GRIN2A: variants seen among roughly 807,000 people sequenced by gnomAD.
The protein encoded by GRIN2A is glutamate ionotropic receptor NMDA type subunit 2A, also known as glutamate receptor ionotropic, NMDA 2A.
Under a neutral mutation model 113.4 loss-of-function variants are expected in GRIN2A, and 22 were observed. That is an observed-to-expected ratio of 0.19 (90% CI 0.14 to 0.28). GRIN2A has a LOEUF of 0.28. GRIN2A is among the 10% of genes least tolerant of loss of function. GRIN2A has a pLI of 1.00. For missense variants in GRIN2A, 1,502 were observed against 1,887.0 expected, an observed-to-expected ratio of 0.80 and a Z score of 3.78; for synonymous variants, 827 against 738.4, an observed-to-expected ratio of 1.12 and a Z score of -1.94.
At chr16:10,127,623 T>C (rs560837734) in intron 2 of GRIN2A, among the ~76,000 whole-genome samples, 12 of 152,318 alleles carry the variant, frequency 7.9e-5, no homozygotes, top group South Asian at 4.2e-4. Context: ...TTTTATAGCA[T>C]GAACTATGTC....
chr16:10,037,859 T>A (rs1451858343), intron 2 of GRIN2A, among the ~76,000 whole-genome samples: 2 of 152,146 alleles, frequency 1.3e-5, no homozygotes, highest in Non-Finnish European at 2.9e-5. Context: ...ATTCAAGCAA[T>A]CCTCTTGTCT....
intron 2 of GRIN2A, among the ~76,000 whole-genome samples, chr16:10,122,387 G>A (rs887854035): frequency 5.5e-4 from 83 of 152,224 alleles, no homozygotes; most frequent in African/African-American, 1.8e-3. Flanking sequence ...CTACAAAAGC[G>A]GGGAGGTAGG....
intron 4 of GRIN2A, among the ~76,000 whole-genome samples, chr16:9,885,549 C>A (rs2043571280): frequency 6.6e-6 from 1 of 152,194 alleles, no homozygotes; most frequent in Non-Finnish European, 1.5e-5. Flanking sequence ...AAAGCAAGTG[C>A]CCCTCTAAGG....
intron 3 of GRIN2A, among the ~76,000 whole-genome samples, chr16:9,935,645 A>G (rs1252114715): frequency 2.0e-5 from 3 of 151,978 alleles, no homozygotes. Context: ...AGAGTGACAT[A>G]GTACCCTGCT....
intron 2 of GRIN2A, among the ~76,000 whole-genome samples, chr16:10,067,848 G>T (rs560319034): frequency 6.6e-6 from 1 of 152,100 alleles, no homozygotes; most frequent in African/African-American, 2.4e-5. Flanking sequence ...CCTGCAATGC[G>T]TATTATATCC....
intron 2 of GRIN2A, among the ~76,000 whole-genome samples, chr16:10,140,009 G>A (rs1461911886): frequency 3.9e-5 from 6 of 152,082 alleles, no homozygotes; most frequent in African/African-American, 1.4e-4. Flanking sequence ...GGAATCTATA[G>A]CCCTGCTGAA....
intron 10 of GRIN2A, among the ~76,000 whole-genome samples, chr16:9,812,227 G>C (rs985254656): frequency 2.0e-5 from 3 of 152,146 alleles, no homozygotes; most frequent in Non-Finnish European, 4.4e-5. Flanking sequence ...TGAAAATCTT[G>C]ATGGTCACCG....
intron 10 of GRIN2A, among the ~76,000 whole-genome samples, chr16:9,801,824 CCTGA>C (rs1567307852): frequency 6.6e-6 from 1 of 152,124 alleles, no homozygotes; most frequent in African/African-American, 2.4e-5. Flanking sequence ...CCCTCCATGG[CCTGA>C]CTGTCATCTT....
At chr16:10,013,807 A>G (rs1048452481) in intron 2 of GRIN2A, among the ~76,000 whole-genome samples, 7 of 152,160 alleles carry the variant, frequency 4.6e-5, no homozygotes, top group African/African-American at 1.7e-4. Flanking sequence ...GAAGAGAAAA[A>G]TTGCTTAAAG....
intron 10 of GRIN2A, among the ~76,000 whole-genome samples, chr16:9,813,754 C>G (rs2042135438): frequency 6.6e-6 from 1 of 150,968 alleles, no homozygotes; most frequent in African/African-American, 2.4e-5. Flanking sequence ...AAAAAACTTT[C>G]TAACTCTATG....
At chr16:9,796,480 A>G (rs1040739791) in intron 11 of GRIN2A, among the ~76,000 whole-genome samples, 3 of 152,158 alleles carry the variant, frequency 2.0e-5, no homozygotes, top group Non-Finnish European at 4.4e-5. Context: ...AAACTTCAAG[A>G]CCTATCTCAT....
At chr16:10,145,789 T>C (rs1221281540) in intron 2 of GRIN2A, among the ~76,000 whole-genome samples, 1 of 152,216 alleles carries the variant, frequency 6.6e-6, no homozygotes, top group Admixed American at 6.5e-5. Context: ...AAAGCACCCA[T>C]AGAAAGCACA....
At chr16:10,157,752 G>A (rs949883571) in intron 2 of GRIN2A, among the ~76,000 whole-genome samples, 6 of 152,144 alleles carry the variant, frequency 3.9e-5, no homozygotes, top group Admixed American at 6.6e-5. Context: ...ATTGCAATTC[G>A]AGATGAGATT....
intron 2 of GRIN2A, among the ~76,000 whole-genome samples, chr16:10,081,638 C>A (rs1312370464): frequency 6.6e-6 from 1 of 152,240 alleles, no homozygotes; most frequent in East Asian, 1.9e-4. Flanking sequence ...AATAGAACTT[C>A]TCTCTGCCTA....
At chr16:9,962,257 C>T (rs1343156078) in intron 2 of GRIN2A, among the ~76,000 whole-genome samples, 3 of 152,290 alleles carry the variant, frequency 2.0e-5, no homozygotes, top group South Asian at 4.1e-4. Context: ...CCAAAATTCA[C>T]AAATGGGATC....
intron 4 of GRIN2A, among the ~76,000 whole-genome samples, chr16:9,862,348 C>G (rs2043084667): frequency 6.6e-6 from 1 of 152,136 alleles, no homozygotes; most frequent in Non-Finnish European, 1.5e-5. Context: ...AATAACTGCT[C>G]TCAAGATAAT....
At position 9,756,525 on chromosome 16, in the gene GRIN2A, G is replaced by T; in HGVS notation, c.*6624C>A. Reference sequence around the variant, plus strand: ...CTTCTATTCTGACCTCCCTGGAGGAGACCAGGCACTTTGAAAATATGTCTA... The same window carrying T: ...CTTCTATTCTGACCTCCCTGGAGGATACCAGGCACTTTGAAAATATGTCTA... On this transcript the variant is annotated 3_prime_UTR_variant, in exon 13 of 13. Coordinates refer to ENST00000330684, the MANE Select transcript of GRIN2A (RefSeq NM_001134407.3). 1 of 218,966 alleles carries T rather than the reference G, an allele frequency of 4.6e-6. No individual in the cohort carries two copies. Among genetic ancestry groups the T allele is most frequent in the Non-Finnish European group, 9.2e-6 (1 of 108,882 alleles). The allele number at this position is 218,966 out of a possible 1,614,324, so 13.6% of individuals were successfully genotyped here. A position where few individuals can be genotyped will look rare whatever the true frequency, so the allele number is the denominator to read the frequency against.
intron 2 of GRIN2A, among the ~76,000 whole-genome samples, chr16:9,980,222 G>T (rs184876346): frequency 6.7e-6 from 1 of 150,254 alleles, no homozygotes; most frequent in Admixed American, 6.6e-5. Context: ...GCAGTGAGCC[G>T]AGATCACACG....
intron 10 of GRIN2A, among the ~76,000 whole-genome samples, chr16:9,817,329 A>G (rs2042204132): frequency 6.6e-6 from 1 of 152,208 alleles, no homozygotes; most frequent in Admixed American, 6.5e-5. Context: ...GATGCTTATT[A>G]TAATAAAGAT....
Sources: allele counts gnomAD v4.1 joint callset (sites outside exome capture counted in the v4.1 genomes callset), GRCh38; gene constraint gnomAD v4.1.1; transcripts MANE v1.5; gene names NCBI Gene and HGNC (gene_info 2026-07-23, HGNC 2026-07-21).